Variants in VPS13A observed in about 807,000 individuals in gnomAD.
The protein encoded by VPS13A is vacuolar protein sorting 13 homolog A.
VPS13A carries 264 observed loss-of-function variants against 390.9 expected under a neutral mutation model. The observed-to-expected ratio is 0.68, with a 90% CI of 0.61 to 0.75. The LOEUF (loss-of-function observed/expected upper bound fraction) is 0.75, where lower values mean the gene tolerates loss of function less well. Among genes scored for constraint, VPS13A ranks in the 30% least tolerant of loss-of-function variants. The pLI, the probability that VPS13A is intolerant of heterozygous loss-of-function variation, is 0.00. For synonymous variants in VPS13A, 1,231 were observed against 1,227.1 expected (o/e 1.00, Z -0.07); for missense variants, 3,409 against 3,733.9 (o/e 0.91, Z 2.27).
intron 10 of VPS13A, among the ~76,000 whole-genome samples, chr9:77,218,745 A>G (rs936497690): frequency 3.9e-5 from 6 of 151,958 alleles, no homozygotes; most frequent in Non-Finnish European, 8.8e-5. Flanking sequence ...TTTCTTTTAA[A>G]CAACTCTAAA....
intron 71 of VPS13A, among the ~76,000 whole-genome samples, chr9:77,409,383 T>A (rs1409468703): frequency 6.6e-6 from 1 of 152,082 alleles, no homozygotes; most frequent in Non-Finnish European, 1.5e-5. Flanking sequence ...ACTCTAAAAA[T>A]CAGAGTACCT....
chr9:77,177,882 C>T (rs1310344155), intron 1 of VPS13A, 78 bp downstream of exon 1: 1 of 1,347,374 alleles, frequency 7.4e-7, no homozygotes, highest in Non-Finnish European at 1.0e-6. Context: ...GTCCTGCGTT[C>T]TCGGGGCTTC....
chr9:77,371,706 C>T (rs1167904232), intron 67 of VPS13A, among the ~76,000 whole-genome samples: 16 of 150,012 alleles, frequency 1.1e-4, no homozygotes, highest in East Asian at 5.9e-4. Flanking sequence ...GTGCACATTG[C>T]GCAGGTTAGT....
At chr9:77,398,508 C>T (rs1004625455) in intron 68 of VPS13A, among the ~76,000 whole-genome samples, 7 of 152,072 alleles carry the variant, frequency 4.6e-5, no homozygotes, top group Admixed American at 3.3e-4. Context: ...AGGAGTTTTT[C>T]GGTTCCAAAA....
At chr9:77,358,563 C>T (rs1831947593) in intron 57 of VPS13A, 125 bp downstream of exon 57, 16 of 829,284 alleles carry the variant, frequency 1.9e-5, no homozygotes, top group Non-Finnish European at 2.9e-5. Context: ...GAAAATTAAA[C>T]TGCTTGAAAA....
In VPS13A at chr9:77,207,213, TTATATATATATATATATA is replaced by T. The variant is rs61703004; in HGVS notation, c.385+1157_385+1174del. On this transcript the variant is annotated intron_variant, in intron 5 of 71. Transcript: ENST00000360280. ...CTCTGTGTCTTGATTTATTTAGATA[TTATATATATATATATATA>T]TATATATATATATATATATATAAAA... is the stretch of plus-strand genomic sequence containing the variant. Among the ~76,000 whole-genome samples the T allele has an allele frequency of 4.2e-4, 18 of 43,096 alleles. 1 individual carries two copies. Among genetic ancestry groups the T allele is most frequent in the Non-Finnish European group, 6.3e-4 (12 of 19,098 alleles). 28.3% of individuals were successfully genotyped at this position (43,096 alleles called of 152,430 possible). A position where few individuals can be genotyped will look rare whatever the true frequency, so the allele number is the denominator to read the frequency against.
intron 1 of VPS13A, among the ~76,000 whole-genome samples, chr9:77,195,217 G>A (rs1189447356): frequency 6.6e-6 from 1 of 152,068 alleles, no homozygotes; most frequent in African/African-American, 2.4e-5. Flanking sequence ...TCCGCTTCCC[G>A]GGTTCACGCC....
chr9:77,254,195 G>A (rs368434862), intron 22 of VPS13A, among the ~76,000 whole-genome samples: 41 of 151,574 alleles, frequency 2.7e-4, no homozygotes, highest in African/African-American at 7.5e-4. Flanking sequence ...CGCCCGCCTC[G>A]GCCTCCCAAA....
intron 41 of VPS13A, among the ~76,000 whole-genome samples, 160 bp from the exon 42 acceptor site, chr9:77,319,412 T>C (rs1829607102): frequency 6.6e-6 from 1 of 152,078 alleles, no homozygotes; most frequent in Non-Finnish European, 1.5e-5. Context: ...GAATATGTAC[T>C]ATGAAGTTAG....
chr9:77,206,047 TAGA>T lies in VPS13A; in HGVS notation c.359_361del (p.Glu120del), dbSNP rs1283769229. On this transcript the variant is annotated inframe_deletion, in exon 5 of 72. Coordinates refer to ENST00000360280, the MANE Select transcript of VPS13A (RefSeq NM_033305.3). ...GCAAAGCAACAGGAACTGAAAAGAA[TAGA>T]AGAAGCAAAACAAAAAGTAGTTGAT... is the stretch of plus-strand genomic sequence containing the variant. 1.9e-6 allele frequency: 3 copies of T among 1,582,480 alleles called. No individual in the cohort carries two copies. Among genetic ancestry groups the T allele is most frequent in the Non-Finnish European group, 2.6e-6 (3 of 1,162,248 alleles).
intron 32 of VPS13A, 109 bp from the exon 33 acceptor site, chr9:77,295,433 A>G (rs1827926587): frequency 2.2e-6 from 2 of 927,912 alleles, no homozygotes; most frequent in East Asian, 2.8e-5. Flanking sequence ...GCTTGGTTGT[A>G]TCAAGTAAAA....
chr9:77,331,943 A>G (rs1830296654), intron 45 of VPS13A, 67 bp from the exon 46 acceptor site: 18 of 1,101,664 alleles, frequency 1.6e-5, no homozygotes, highest in South Asian at 1.1e-4. Flanking sequence ...ACATGGACAT[A>G]TTTTTTTTAC....
At chr9:77,413,726 C>T (rs986107125) in intron 71 of VPS13A, among the ~76,000 whole-genome samples, 1 of 152,056 alleles carries the variant, frequency 6.6e-6, no homozygotes, top group Non-Finnish European at 1.5e-5. Context: ...GCAACAAAAG[C>T]CAAAATTGAC....
intron 7 of VPS13A, chr9:77,211,196 C>G (rs1264772131): frequency 4.6e-5 from 7 of 152,924 alleles, no homozygotes; most frequent in Non-Finnish European, 1.0e-4. Context: ...TGCTTAAAGT[C>G]TTAAATATTT....
intron 51 of VPS13A, 151 bp downstream of exon 51, chr9:77,344,432 CAG>C (rs1831030133): frequency 2.0e-6 from 2 of 985,752 alleles, no homozygotes; most frequent in Admixed American, 2.7e-5. Context: ...TAGAAGGAAA[CAG>C]AGATCTAAGA....
intron 55 of VPS13A, among the ~76,000 whole-genome samples, chr9:77,357,144 C>T (rs1831837712): frequency 6.6e-6 from 1 of 151,540 alleles, no homozygotes; most frequent in East Asian, 1.9e-4. Context: ...ACATGGCAAA[C>T]CCTGTCTCTG....
At chr9:77,277,603 C>T (rs997055745) in intron 26 of VPS13A, among the ~76,000 whole-genome samples, 1 of 152,214 alleles carries the variant, frequency 6.6e-6, no homozygotes, top group African/African-American at 2.4e-5. Flanking sequence ...CACTTAACCC[C>T]TGGCAACTGG....
chr9:77,202,720 G>T (rs369185663), intron 3 of VPS13A, among the ~76,000 whole-genome samples: 1 of 152,044 alleles, frequency 6.6e-6, no homozygotes, highest in East Asian at 1.9e-4. Flanking sequence ...ATTTTCTTTA[G>T]AATCTGCCCG....
At chr9:77,266,405 C>T (rs1826038748) in intron 23 of VPS13A, among the ~76,000 whole-genome samples, 2 of 152,054 alleles carry the variant, frequency 1.3e-5, no homozygotes, top group Non-Finnish European at 2.9e-5. Flanking sequence ...TTAAAGTCTC[C>T]TGCTGTTGTT....
Sources: gnomAD v4.1 joint callset for allele counts (sites outside exome capture counted in the v4.1 genomes callset) on GRCh38, gnomAD v4.1.1 for gene constraint, MANE v1.5 for transcripts, NCBI Gene and HGNC (gene_info 2026-07-23, HGNC 2026-07-21) for gene names.